The following MSI1 variants were observed in gnomAD, a reference collection of about 807,000 sequenced individuals.
MSI1 encodes the protein RNA-binding protein Musashi homolog 1.
Under a neutral mutation model 54.4 loss-of-function variants are expected in MSI1, and 15 were observed. The ratio of observed to expected loss-of-function variants is 0.28; its 90% confidence interval spans 0.18 to 0.42. MSI1 has a LOEUF of 0.42. MSI1 is among the 20% of genes least tolerant of loss of function. MSI1 has a pLI of 1.00. For missense variants in MSI1, 304 were observed against 506.0 expected (o/e 0.60, Z 3.83); for synonymous variants, 200 against 196.5 (o/e 1.02, Z -0.15).
chr12:120,344,561 T>A (rs1322390173), intron 14 of MSI1, among the ~76,000 whole-genome samples: 2 of 151,860 alleles, frequency 1.3e-5, no homozygotes, highest in East Asian at 2.0e-4. Context: ...TTTAAAAACT[T>A]AGCCAGGCAT....
Position 120,342,411 on chromosome 12 carries a change from G to C in MSI1, c.*716C>G, listed in dbSNP as rs1010271984. The C allele has an allele frequency of 6.6e-6, 1 of 152,578 alleles. No individual in the cohort carries two copies. Among genetic ancestry groups the C allele is most frequent in the African/African-American group, 2.4e-5 (1 of 41,404 alleles). The allele number at this position is 152,578 out of a possible 1,614,324, so 9.5% of individuals were successfully genotyped here. A position where few individuals can be genotyped will look rare whatever the true frequency, so the allele number is the denominator to read the frequency against. ...CCCCTCACCCCCGAGGGGTCTTAGA[G>C]AGGGGTGGGCACATCACCTCACAGT... is the stretch of plus-strand genomic sequence containing the variant. On this transcript the variant is annotated 3_prime_UTR_variant, in exon 15 of 15. Coordinates refer to ENST00000257552, the MANE Select transcript of MSI1 (RefSeq NM_002442.4).
chr12:120,365,154 G>T (rs999264117), intron 4 of MSI1, among the ~76,000 whole-genome samples: 2 of 151,942 alleles, frequency 1.3e-5, no homozygotes, highest in Non-Finnish European at 2.9e-5. Flanking sequence ...CAGGTGAGCC[G>T]CCCGCCTCAG....
At chr12:120,351,225 A>C in intron 11 of MSI1, 119 bp downstream of exon 11, 1 of 997,746 alleles carries the variant, frequency 1.0e-6, no homozygotes, top group Non-Finnish European at 1.5e-6. Flanking sequence ...GTGTCCCCAC[A>C]GCCGGAGGGC....
In MSI1 at chr12:120,342,174, C is replaced by T. The variant is rs1873717325; in HGVS notation, c.*953G>A. ...CAACCTAGGTAGGGAGCAGGGGAGA[C>T]CTTTGGAGAGTTAATTCCTGTCCAG... On this transcript the variant is annotated 3_prime_UTR_variant, in exon 15 of 15. Coordinates refer to ENST00000257552, the MANE Select transcript of MSI1 (RefSeq NM_002442.4). 1 of 152,806 alleles carries T rather than the reference C, an allele frequency of 6.5e-6. No individual in the cohort carries two copies. Among genetic ancestry groups the T allele is most frequent in the African/African-American group, 2.4e-5 (1 of 41,442 alleles). 9.5% of individuals were successfully genotyped at this position (152,806 alleles called of 1,614,324 possible).
Position 120,368,374 on chromosome 12 carries a change from G to C in MSI1, c.101-101C>G. On this transcript the variant is annotated intron_variant, in intron 2 of 14. Transcript: ENST00000257552. This position sits in a 1 kb window ranked among gnomAD's most constrained non-coding sequence, Gnocchi z 6.6. ...ACCCCGGAGCGGCCCGGCCGCCCCC[G>C]CGCCAAGCTGCCCGCGCGTTCTCCA... 3.4e-6 allele frequency: 4 copies of C among 1,171,188 alleles called. No homozygotes were observed. The highest frequency in any genetic ancestry group is 4.5e-6 in the Non-Finnish European group (4 of 893,166). 72.5% of individuals were successfully genotyped at this position (1,171,188 alleles called of 1,614,324 possible). A position where few individuals can be genotyped will look rare whatever the true frequency, so the allele number is the denominator to read the frequency against.
chr12:120,358,990 G>A lies in MSI1; in HGVS notation c.451+15C>T, dbSNP rs1228190090. The A allele has an allele frequency of 2.6e-6, 4 of 1,566,598 alleles. No homozygotes were observed. The East Asian group carries it at 7.1e-5, about 28-fold the overall frequency. On this transcript the variant is annotated intron_variant, in intron 7 of 14. Transcript: ENST00000257552. ...ACGGGGCCCAGCCTGGGAAGGGGGA[G>A]GGGGCCACACTCACCTCGGTGCCGG...
intron 14 of MSI1, among the ~76,000 whole-genome samples, chr12:120,344,413 A>G (rs150216997): frequency 1.8e-4 from 27 of 152,252 alleles, no homozygotes; most frequent in African/African-American, 6.5e-4. Flanking sequence ...AACTTAAAAA[A>G]TCTTTGTGGC....
At chr12:120,357,793 C>T (rs1314722751) in intron 8 of MSI1, 23 bp downstream of exon 8, 4 of 1,612,376 alleles carry the variant, frequency 2.5e-6, no homozygotes, top group Non-Finnish European at 3.4e-6. Context: ...AGGCGTGAGC[C>T]ACTGCGCCCG....
intron 11 of MSI1, 108 bp from the exon 12 acceptor site, chr12:120,347,622 G>A (rs960880766): frequency 3.7e-5 from 50 of 1,362,680 alleles, no homozygotes; most frequent in Non-Finnish European, 5.0e-5. Context: ...CTACCTCAGA[G>A]GGTTCCATGT....
At position 120,368,125 on chromosome 12, in the gene MSI1, T is replaced by C; in HGVS notation, c.183-33A>G. The C allele has an allele frequency of 6.2e-7, 1 of 1,609,150 alleles. No individual in the cohort carries two copies. The highest frequency in any genetic ancestry group is 8.5e-7 in the Non-Finnish European group (1 of 1,177,858). On this transcript the variant is annotated intron_variant, in intron 3 of 14. Coordinates refer to ENST00000257552, the MANE Select transcript of MSI1 (RefSeq NM_002442.4). This position sits in a 1 kb window ranked among gnomAD's most constrained non-coding sequence, Gnocchi z 6.6. ...CCGTAGTGAGGGAGAGGCAGATGGT[T>C]ACAAGGCAGTGAGTGGCGGGTGGAG...
chr12:120,349,759 C>T (rs912108563), intron 11 of MSI1, among the ~76,000 whole-genome samples: 2 of 152,226 alleles, frequency 1.3e-5, no homozygotes, highest in Admixed American at 1.3e-4. Flanking sequence ...TACCTACTCC[C>T]TTGCCTGCCA....
At chr12:120,339,695 C>T (rs377016284), downstream of MSI1, among the ~76,000 whole-genome samples, 1 of 152,048 alleles carries the variant, frequency 6.6e-6, no homozygotes, top group African/African-American at 2.4e-5. Flanking sequence ...AGACCCCCAA[C>T]CTGTACTGGA....
In MSI1 at chr12:120,359,277, C is replaced by G. The variant is rs1875425422; in HGVS notation, c.403-224G>C. ...CCTGCATTTATTAAGCTCCATTGTC[C>G]TCCCAACATTCCCTGCATGGTAAGA... is the stretch of plus-strand genomic sequence containing the variant. On this transcript the variant is annotated intron_variant, in intron 6 of 14. Transcript: ENST00000257552. 2.0e-5 allele frequency among the ~76,000 whole-genome samples: 3 copies of G among 152,200 alleles called. No homozygotes were observed. In the South Asian group the frequency reaches 6.2e-4, roughly 32 times the overall value.
intron 11 of MSI1, among the ~76,000 whole-genome samples, chr12:120,348,555 C>CTTT (rs34646438): frequency 6.7e-6 from 1 of 148,408 alleles, no homozygotes; most frequent in African/African-American, 2.5e-5. Flanking sequence ...CCAAAAATAT[C>CTTT]TTTTTTTTTT....
intron 9 of MSI1, among the ~76,000 whole-genome samples, chr12:120,356,004 A>C (rs1286953197): frequency 6.6e-6 from 1 of 151,672 alleles, no homozygotes; most frequent in Non-Finnish European, 1.5e-5. Flanking sequence ...GGGGGGCCAA[A>C]CTCAGATTTA....
At chr12:120,354,509 G>A (rs1057230567) in intron 9 of MSI1, among the ~76,000 whole-genome samples, 20 of 151,318 alleles carry the variant, frequency 1.3e-4, no homozygotes, top group Admixed American at 3.3e-4. Flanking sequence ...TCGGCTCACC[G>A]CCACCTCCGC....
chr12:120,357,215 C>T lies in MSI1; in HGVS notation c.535-196G>A, dbSNP rs112963469. On this transcript the variant is annotated intron_variant, in intron 8 of 14. Transcript: ENST00000257552. ...TTTGCATGCAATCGTTCAATGAATG[C>T]TTACACCAATACTACCAATACTATG... Among the ~76,000 whole-genome samples, 1,368 of 152,332 alleles carry T rather than the reference C, an allele frequency of 9.0e-3. 31 individuals carry two copies. The highest frequency in any genetic ancestry group is 0.031 in the African/African-American group (1,298 of 41,566).
intron 10 of MSI1, among the ~76,000 whole-genome samples, chr12:120,352,979 A>G (rs1453028851): frequency 6.6e-6 from 1 of 152,018 alleles, no homozygotes; most frequent in Non-Finnish European, 1.5e-5. Flanking sequence ...GGCCCCCACT[A>G]CAAGCCCAAT....
At position 120,351,345 on chromosome 12, in the gene MSI1, T is replaced by C. The variant is rs894642173; in HGVS notation, c.789A>G (p.Thr263=). The part of the protein sequence containing the change: ...LPSAPVLPEL[T]AIPLTAYGPM... ...GTATACAAAATCCGAGCGACTGACC[T>C]GTAAGCTCGGGGAGGACTGGGGCGC... Residue 263 remains threonine (T), a splice_region_variant and synonymous_variant, in exon 11 of 15, where the codon ACA becomes ACG. Transcript: ENST00000257552. 6.2e-7 allele frequency: 1 copy of C among 1,613,134 alleles called. No homozygotes were observed. Among genetic ancestry groups the C allele is most frequent in the Non-Finnish European group, 8.5e-7 (1 of 1,179,714 alleles).
Sources: gnomAD v4.1 joint callset for allele counts (sites outside exome capture counted in the v4.1 genomes callset) on GRCh38, gnomAD v4.1.1 for gene constraint, Gnocchi (gnomAD v3.1) non-coding constraint, MANE v1.5 for transcripts, NCBI Gene and HGNC (gene_info 2026-07-23, HGNC 2026-07-21) for gene names.